The following TMTC2 variants were observed in gnomAD, a reference collection of about 807,000 sequenced individuals.
The protein encoded by TMTC2 is protein O-mannosyl-transferase TMTC2.
A neutral mutation model predicts 82.4 loss-of-function variants in TMTC2; 43 were observed. The ratio of observed to expected loss-of-function variants is 0.52; its 90% CI spans 0.41 to 0.67. The LOEUF is 0.67. Among genes scored for constraint, TMTC2 ranks in the 30% least tolerant of loss-of-function variants. The pLI is 0.00. For synonymous variants in TMTC2, 408 were observed against 381.9 expected (o/e 1.07, Z -0.80); for missense variants, 919 against 1,012.4 (o/e 0.91, Z 1.25).
chr12:83,131,151 G>A (rs1321020458), intron 11 of TMTC2, among the ~76,000 whole-genome samples: 1 of 152,218 alleles, frequency 6.6e-6, no homozygotes, highest in African/African-American at 2.4e-5. Flanking sequence ...AAATGAAAGT[G>A]TAATCATAGC....
intron 2 of TMTC2, among the ~76,000 whole-genome samples, chr12:82,866,173 G>C (rs998788903): frequency 5.5e-5 from 7 of 128,344 alleles, no homozygotes; most frequent in African/African-American, 1.8e-4. Context: ...GAGCAGAACT[G>C]AAGGAGATAG....
At chr12:82,755,651 A>G (rs954027766) in intron 1 of TMTC2, among the ~76,000 whole-genome samples, 23 of 152,292 alleles carry the variant, frequency 1.5e-4, no homozygotes, top group African/African-American at 5.1e-4. Context: ...CTGAGGACCT[A>G]GTCTGAATAC....
intron 4 of TMTC2, among the ~76,000 whole-genome samples, chr12:82,945,203 G>A (rs1876933652): frequency 6.6e-6 from 1 of 151,614 alleles, no homozygotes; most frequent in African/African-American, 2.4e-5. Flanking sequence ...CCTGGCAAAA[G>A]AAAGATTCAC....
intron 11 of TMTC2, among the ~76,000 whole-genome samples, chr12:83,101,656 T>A (rs1044063120): frequency 6.6e-6 from 1 of 152,174 alleles, no homozygotes; most frequent in Non-Finnish European, 1.5e-5. Context: ...GTGGGAAGAA[T>A]TGGGTTTGGG....
chr12:82,811,937 C>A (rs1868417720), intron 1 of TMTC2, among the ~76,000 whole-genome samples: 1 of 151,004 alleles, frequency 6.6e-6, no homozygotes, highest in African/African-American at 2.4e-5. Context: ...CTGCTTCAGT[C>A]CCCCCGAGCA....
chr12:82,969,496 T>C (rs1207613797), intron 7 of TMTC2, among the ~76,000 whole-genome samples: 3 of 152,218 alleles, frequency 2.0e-5, no homozygotes, highest in Non-Finnish European at 2.9e-5. Context: ...TGATTATTAG[T>C]GTAGTACTAA....
chr12:82,843,614 T>G (rs1043396423), intron 1 of TMTC2, among the ~76,000 whole-genome samples: 1 of 152,168 alleles, frequency 6.6e-6, no homozygotes, highest in African/African-American at 2.4e-5. Context: ...AAAATAAGCT[T>G]CTTGGCTATT....
chr12:82,910,573 G>A (rs1874581612), intron 3 of TMTC2, among the ~76,000 whole-genome samples: 1 of 152,214 alleles, frequency 6.6e-6, no homozygotes, highest in Admixed American at 6.5e-5. Flanking sequence ...TCTTACCTTG[G>A]TGTATCAGAA....
chr12:82,814,988 T>C (rs1466294578), intron 1 of TMTC2, among the ~76,000 whole-genome samples: 1 of 152,038 alleles, frequency 6.6e-6, no homozygotes, highest in Non-Finnish European at 1.5e-5. Flanking sequence ...CTAAAGAGGA[T>C]GAGCGGGTGT....
chr12:83,034,288 A>G (rs1026864527), intron 9 of TMTC2, among the ~76,000 whole-genome samples: 2 of 152,152 alleles, frequency 1.3e-5, no homozygotes, highest in African/African-American at 4.8e-5. Flanking sequence ...TAATCCAACT[A>G]TTAAAGGGCT....
At chr12:82,708,308 A>G (rs1410687712) in intron 1 of TMTC2, among the ~76,000 whole-genome samples, 1 of 152,210 alleles carries the variant, frequency 6.6e-6, no homozygotes, top group Non-Finnish European at 1.5e-5. Flanking sequence ...ACCACAGTTG[A>G]GAAACACAGG....
intron 2 of TMTC2, among the ~76,000 whole-genome samples, chr12:82,874,438 T>A (rs537667011): frequency 1.3e-5 from 2 of 152,354 alleles, no homozygotes; most frequent in Admixed American, 6.5e-5. Context: ...TAATTTCGTC[T>A]CTTTGAAATA....
intron 4 of TMTC2, among the ~76,000 whole-genome samples, chr12:82,936,079 T>TA (rs1876301495): frequency 6.6e-6 from 1 of 152,034 alleles, no homozygotes; most frequent in African/African-American, 2.4e-5. Flanking sequence ...GATATATGCT[T>TA]AAAATAATAA....
At chr12:82,920,095 C>T (rs900906932) in intron 3 of TMTC2, among the ~76,000 whole-genome samples, 3 of 152,150 alleles carry the variant, frequency 2.0e-5, no homozygotes, top group Non-Finnish European at 2.9e-5. Flanking sequence ...TTCTGCTCTT[C>T]TAGCTATTTT....
Position 82,966,031 on chromosome 12 carries a change from G to A in TMTC2, c.1869+287G>A, listed in dbSNP as rs1338228982. 25 of 403,458 alleles carry A rather than the reference G, an allele frequency of 6.2e-5. No individual in the cohort carries two copies. In the South Asian group the frequency reaches 1.3e-3, roughly 21 times the overall value. The allele number at this position is 403,458 out of a possible 1,614,324, so 25.0% of individuals were successfully genotyped here. ...ATATGTATTGTGACTATTCAAGAAT[G>A]GGGAAATAACATGTAATGTTTCTCG... On this transcript the variant is annotated intron_variant, in intron 6 of 11. Transcript: ENST00000321196.
At chr12:83,043,698 A>T (rs1473424614) in intron 9 of TMTC2, among the ~76,000 whole-genome samples, 1 of 152,192 alleles carries the variant, frequency 6.6e-6, no homozygotes, top group African/African-American at 2.4e-5. Flanking sequence ...ATAAAATGGA[A>T]CTTCTTCAAG....
intron 1 of TMTC2, among the ~76,000 whole-genome samples, chr12:82,852,872 A>G (rs761512268): frequency 3.3e-5 from 5 of 152,162 alleles, no homozygotes; most frequent in Non-Finnish European, 7.4e-5. Flanking sequence ...TGACTTGTAT[A>G]TTAAATTCCA....
chr12:82,990,097 T>G (rs952924579), intron 8 of TMTC2, among the ~76,000 whole-genome samples: 2 of 152,202 alleles, frequency 1.3e-5, no homozygotes, highest in Non-Finnish European at 2.9e-5. Context: ...TTTTGACTTC[T>G]GAATGCTTTA....
At chr12:82,732,402 G>T (rs896600512) in intron 1 of TMTC2, among the ~76,000 whole-genome samples, 4 of 151,958 alleles carry the variant, frequency 2.6e-5, no homozygotes, top group African/African-American at 9.7e-5. Flanking sequence ...GAGTGCAGTG[G>T]CGCGATCTCG....
Sources: allele counts gnomAD v4.1 joint callset (sites outside exome capture counted in the v4.1 genomes callset), GRCh38; gene constraint gnomAD v4.1.1; transcripts MANE v1.5; gene names NCBI Gene and HGNC (gene_info 2026-07-23, HGNC 2026-07-21).